RANBP3: variants seen among roughly 807,000 people sequenced by gnomAD.
RANBP3 encodes the protein ran-binding protein 3.
RANBP3 carries 14 observed loss-of-function variants against 77.3 expected under a neutral mutation model. The ratio of observed to expected loss-of-function variants is 0.18; its 90% CI spans 0.12 to 0.28. RANBP3 has a LOEUF of 0.28. Among genes scored for constraint, RANBP3 ranks in the 10% least tolerant of loss-of-function variants. RANBP3 has a pLI of 1.00. For missense variants in RANBP3, 586 were observed against 752.3 expected (o/e 0.78, Z 2.59); for synonymous variants, 315 against 312.4 (o/e 1.01, Z -0.09).
intron 1 of RANBP3, among the ~76,000 whole-genome samples, chr19:5,968,194 T>C (rs1171780199): frequency 3.3e-5 from 5 of 152,086 alleles, no homozygotes; most frequent in African/African-American, 1.2e-4. Context: ...TCCCCTCCTC[T>C]CTACACGGAA....
At chr19:5,944,066 G>A (rs765655271) in intron 3 of RANBP3, among the ~76,000 whole-genome samples, 3 of 152,238 alleles carry the variant, frequency 2.0e-5, no homozygotes, top group South Asian at 2.1e-4. Flanking sequence ...ACAGGGATGC[G>A]TGAGGTGACA....
At chr19:5,936,283 T>C (rs1461516587) in intron 5 of RANBP3, among the ~76,000 whole-genome samples, 2 of 152,182 alleles carry the variant, frequency 1.3e-5, no homozygotes, top group Non-Finnish European at 2.9e-5. Context: ...GCCGGTTTCT[T>C]AGTGCCAGAA....
At chr19:5,948,631 GA>G (rs927531419) in intron 3 of RANBP3, among the ~76,000 whole-genome samples, 1 of 152,128 alleles carries the variant, frequency 6.6e-6, no homozygotes, top group Non-Finnish European at 1.5e-5. Context: ...AACCAGCTCA[GA>G]AATTCTTGTC....
chr19:5,937,450 G>C (rs1466363353), intron 5 of RANBP3, among the ~76,000 whole-genome samples: 1 of 152,204 alleles, frequency 6.6e-6, no homozygotes, highest in Middle Eastern at 3.2e-3. Context: ...GGTCATGAAA[G>C]TCAAGGGAAG....
chr19:5,947,404 G>A (rs909298820), intron 3 of RANBP3, among the ~76,000 whole-genome samples: 6 of 151,994 alleles, frequency 3.9e-5, no homozygotes, highest in African/African-American at 1.2e-4. Context: ...TAGTGGGGAG[G>A]AGCGAGGACA....
At chr19:5,925,280 C>T (rs2057888870) in intron 10 of RANBP3, 2 of 473,238 alleles carry the variant, frequency 4.2e-6, no homozygotes, top group Admixed American at 3.4e-5. Flanking sequence ...GGTGCCCAAA[C>T]CCAGAATAAG....
rs779067639 is a variant in RANBP3 at position 5,941,788 on chromosome 19, G to C, written c.319+11C>G. ...ACTGAAGATGGTCAAAGGTGTTAGA[G>C]AGCTCCTTACCTTCTCCGCCTTCAG... On this transcript the variant is annotated intron_variant, in intron 4 of 16. Coordinates refer to ENST00000340578, the MANE Select transcript of RANBP3 (RefSeq NM_007322.3). 6 of 1,612,298 alleles carry C rather than the reference G, an allele frequency of 3.7e-6. No homozygotes were observed. The highest frequency in any genetic ancestry group is 5.1e-6 in the Non-Finnish European group (6 of 1,180,008).
At position 5,920,418 on chromosome 19, in the gene RANBP3, T is replaced by C. The variant is rs1375388506; in HGVS notation, c.1330+783A>G. Among the ~76,000 whole-genome samples, 3 of 152,262 alleles carry C rather than the reference T, an allele frequency of 2.0e-5. No homozygotes were observed. In the South Asian group the frequency reaches 6.2e-4, roughly 32 times the overall value. The stretch of plus-strand genomic sequence containing the variant: ...AAAAAAGACACGCCCACATTTCAAA[T>C]GTGCACACACACAGGCTGATTTCCT... On this transcript the variant is annotated intron_variant, in intron 14 of 16. Transcript: ENST00000340578.
intron 13 of RANBP3, among the ~76,000 whole-genome samples, chr19:5,922,034 G>A (rs752221257): frequency 3.9e-5 from 6 of 152,210 alleles, no homozygotes; most frequent in Non-Finnish European, 8.8e-5. Context: ...GGCTGCCAGG[G>A]GCTGGGGAGG....
chr19:5,929,138 C>G (rs2057953264), intron 8 of RANBP3, among the ~76,000 whole-genome samples: 1 of 152,222 alleles, frequency 6.6e-6, no homozygotes, highest in African/African-American at 2.4e-5. Flanking sequence ...AGGGCACTTT[C>G]TGGTCCAACT....
Position 5,958,100 on chromosome 19 carries a change from C to A in RANBP3, c.23-127G>T. The stretch of plus-strand genomic sequence containing the variant: ...CTAGTAACTCCAGAGAACATCAAAT[C>A]ACTTAGAACAGCGTCTTGACTCGGA... On this transcript the variant is annotated intron_variant, in intron 1 of 16. Coordinates refer to ENST00000340578, the MANE Select transcript of RANBP3 (RefSeq NM_007322.3). This position sits in a 1 kb window ranked among gnomAD's most constrained non-coding sequence, Gnocchi z 4.4. 1.2e-6 allele frequency: 1 copy of A among 847,384 alleles called. No homozygotes were observed. 52.5% of individuals were successfully genotyped at this position (847,384 alleles called of 1,614,324 possible). A position where few individuals can be genotyped will look rare whatever the true frequency, so the allele number is the denominator to read the frequency against.
intron 3 of RANBP3, among the ~76,000 whole-genome samples, chr19:5,942,698 CT>C (rs1185350140): frequency 2.9e-5 from 2 of 69,054 alleles, no homozygotes; most frequent in Non-Finnish European, 2.9e-5. Context: ...GAGACTCTGT[CT>C]CAAAAAAAAA....
At chr19:5,923,094 G>A (rs990984489) in intron 13 of RANBP3, 100 bp downstream of exon 13, 16 of 944,984 alleles carry the variant, frequency 1.7e-5, no homozygotes, top group African/African-American at 3.2e-5. Context: ...TCATCTCAGG[G>A]GCAGGCCTGT....
intron 5 of RANBP3, among the ~76,000 whole-genome samples, chr19:5,936,646 C>T (rs1322633264): frequency 2.0e-5 from 3 of 152,154 alleles, no homozygotes; most frequent in Non-Finnish European, 2.9e-5. Flanking sequence ...GAGGCTGAGC[C>T]GGGAGGCTCT....
intron 1 of RANBP3, among the ~76,000 whole-genome samples, chr19:5,960,207 T>C (rs1338599726): frequency 6.6e-6 from 1 of 152,148 alleles, no homozygotes; most frequent in Non-Finnish European, 1.5e-5. Context: ...GGCCCAAAGC[T>C]AACTCTGCCC....
chr19:5,960,541 G>A (rs2058386938), intron 1 of RANBP3, among the ~76,000 whole-genome samples: 1 of 152,178 alleles, frequency 6.6e-6, no homozygotes, highest in East Asian at 1.9e-4. Context: ...GGTACCCCAT[G>A]GCCTGAGAAC....
chr19:5,924,647 A>G lies in RANBP3; in HGVS notation c.996+180T>C, dbSNP rs1002095343. The stretch of plus-strand genomic sequence containing the variant: ...AGCGAATGCCAGTTCGTAGGCAGCC[A>G]GTGGCCCTGGCCAGTTTTCAGGCTG... On this transcript the variant is annotated intron_variant, in intron 11 of 16. Coordinates refer to ENST00000340578, the MANE Select transcript of RANBP3 (RefSeq NM_007322.3). The surrounding 1 kb of genome is among the most constrained non-coding windows in gnomAD (Gnocchi z 4.7). 6.6e-6 allele frequency among the ~76,000 whole-genome samples: 1 copy of G among 152,240 alleles called. No homozygotes were observed. Among genetic ancestry groups the G allele is most frequent in the Non-Finnish European group, 1.5e-5 (1 of 68,040 alleles).
chr19:5,937,878 A>G (rs935746330), intron 5 of RANBP3, among the ~76,000 whole-genome samples: 1 of 152,110 alleles, frequency 6.6e-6, no homozygotes, highest in Admixed American at 6.5e-5. Context: ...AGCAGCACAA[A>G]TGGGTCCAGA....
chr19:5,931,485 C>T lies in RANBP3; in HGVS notation c.612G>A (p.Thr204=), dbSNP rs539107019. Residue 204 remains threonine (T), a synonymous_variant, in exon 8 of 17, where the codon ACG becomes ACA. Transcript: ENST00000340578. ...TNGVSLPADC[T]GAVPAASPDT... Reference sequence around the variant, plus strand: ...CAGGGGATGCTGCGGGCACTGCCCCCGTGCAGTCTGCTGGGAGGCTGACCC... The same window carrying T: ...CAGGGGATGCTGCGGGCACTGCCCCTGTGCAGTCTGCTGGGAGGCTGACCC... 1.2e-5 allele frequency: 19 copies of T among 1,612,704 alleles called. No individual in the cohort carries two copies. In the Admixed American group the frequency reaches 1.7e-4, roughly 14 times the overall value.
Sources: gnomAD v4.1 joint callset for allele counts (sites outside exome capture counted in the v4.1 genomes callset) on GRCh38, gnomAD v4.1.1 for gene constraint, Gnocchi (gnomAD v3.1) non-coding constraint, MANE v1.5 for transcripts, NCBI Gene and HGNC (gene_info 2026-07-23, HGNC 2026-07-21) for gene names.